Variants in IGDCC3 observed in about 807,000 individuals in gnomAD.
IGDCC3 encodes the protein putative neuronal cell adhesion molecule.
Under a neutral mutation model 72.0 loss-of-function variants are expected in IGDCC3, and 47 were observed. The observed-to-expected ratio is 0.65, with a 90% CI of 0.52 to 0.83. The LOEUF (loss-of-function observed/expected upper bound fraction) is 0.83. IGDCC3 is among the 40% of genes least tolerant of loss of function. The pLI is 0.00. For missense variants in IGDCC3, 1,038 were observed against 1,091.3 expected, an observed-to-expected ratio of 0.95 and a Z score of 0.69; for synonymous variants, 477 against 472.8, an observed-to-expected ratio of 1.01 and a Z score of -0.11.
At chr15:65,376,387 C>T (rs72625759) in intron 1 of IGDCC3, among the ~76,000 whole-genome samples, 6,198 of 152,360 alleles carry the variant, frequency 0.041, 593 homozygotes, top group East Asian at 0.4. Context: ...CAGCAAACAA[C>T]TTACCAGACC....
chr15:65,370,632 A>G (rs1414065041), intron 2 of IGDCC3, among the ~76,000 whole-genome samples: 12 of 144,756 alleles, frequency 8.3e-5, no homozygotes, highest in Non-Finnish European at 1.2e-4. Flanking sequence ...ATATATATAT[A>G]TATATATATA....
intron 2 of IGDCC3, among the ~76,000 whole-genome samples, chr15:65,370,695 G>A (rs1451625633): frequency 3.4e-5 from 5 of 147,672 alleles, no homozygotes; most frequent in African/African-American, 5.0e-5. Context: ...TTTGTGCCCT[G>A]TGCTAAGCTC....
At chr15:65,361,703 C>T (rs917448609) in intron 2 of IGDCC3, among the ~76,000 whole-genome samples, 1 of 44,736 alleles carries the variant, frequency 2.2e-5, no homozygotes, top group Non-Finnish European at 4.3e-5. Flanking sequence ...CACTCGCACA[C>T]TCATTCACAT....
chr15:65,331,888 C>A (rs2141032653), intron 7 of IGDCC3, 53 bp downstream of exon 7: 2 of 1,568,714 alleles, frequency 1.3e-6, no homozygotes, highest in East Asian at 4.5e-5. Context: ...ACTCCAGGCC[C>A]CGCTTTCCCT....
At position 65,339,048 on chromosome 15, in the gene IGDCC3, G is replaced by A. The variant is rs536697123; in HGVS notation, c.410-3092C>T. On this transcript the variant is annotated intron_variant, in intron 2 of 13. Coordinates refer to ENST00000327987, the MANE Select transcript of IGDCC3 (RefSeq NM_004884.4). This position sits in a 1 kb window ranked among gnomAD's most constrained non-coding sequence, Gnocchi z 4.1. ...CTCCTGAGGAGCTGGGACCACAAGC[G>A]CGCACCACCACGCCCAGCTAATTTT... is the stretch of plus-strand genomic sequence containing the variant. Among the ~76,000 whole-genome samples the A allele has an allele frequency of 7.2e-5, 11 of 151,946 alleles. No individual in the cohort carries two copies. The highest frequency in any genetic ancestry group is 2.1e-4 in the South Asian group (1 of 4,772).
chr15:65,335,874 C>G lies in IGDCC3; in HGVS notation c.492G>C (p.Gly164=), dbSNP rs777938460. ...GVARFQCQIH[G]LPKPLITWEK... is the part of the protein sequence containing the mutation. ...CCCAAGTGATCAGGGGTTTGGGAAG[C>G]CCATGGATTTGGCACTGGAAGCGGG... The change falls in exon 3 of 14, where the codon GGG becomes GGC. Residue 164 remains glycine, a synonymous_variant. Coordinates refer to ENST00000327987, the MANE Select transcript of IGDCC3 (RefSeq NM_004884.4). The G allele has an allele frequency of 1.2e-6, 2 of 1,614,190 alleles. No individual in the cohort carries two copies. The highest frequency in any genetic ancestry group is 2.2e-5 in the South Asian group (2 of 91,088).
intron 2 of IGDCC3, among the ~76,000 whole-genome samples, chr15:65,353,649 T>C (rs1402070795): frequency 6.6e-6 from 1 of 152,072 alleles, no homozygotes; most frequent in Non-Finnish European, 1.5e-5. Flanking sequence ...CAGGTTGCAG[T>C]AAAGGAGCCA....
chr15:65,334,352 C>A (rs910134507), intron 5 of IGDCC3, among the ~76,000 whole-genome samples: 1 of 152,006 alleles, frequency 6.6e-6, no homozygotes, highest in South Asian at 2.1e-4. Context: ...CTTGGGACTG[C>A]ACAGCTGAGG....
At chr15:65,376,626 C>T (rs1314324063) in intron 1 of IGDCC3, among the ~76,000 whole-genome samples, 1 of 151,766 alleles carries the variant, frequency 6.6e-6, no homozygotes, top group Non-Finnish European at 1.5e-5. Context: ...CCCCCGTCCC[C>T]GGCCCAGGAA....
At chr15:65,350,271 C>A (rs528830805) in intron 2 of IGDCC3, among the ~76,000 whole-genome samples, 2 of 151,904 alleles carry the variant, frequency 1.3e-5, no homozygotes, top group South Asian at 4.2e-4. Context: ...GCTGGGACTA[C>A]AGGCGCCTGC....
At chr15:65,340,217 G>A (rs956199631) in intron 2 of IGDCC3, among the ~76,000 whole-genome samples, 16 of 152,212 alleles carry the variant, frequency 1.1e-4, no homozygotes, top group African/African-American at 3.6e-4. Context: ...GGAGGGGAGG[G>A]GAACTCTCTT....
chr15:65,366,207 CAAAAAAAAA>C (rs35152855), intron 2 of IGDCC3, among the ~76,000 whole-genome samples: 7 of 76,774 alleles, frequency 9.1e-5, no homozygotes, highest in Non-Finnish European at 1.6e-4. Flanking sequence ...GACATTGTCT[CAAAAAAAAA>C]AAAAAAAAAA....
chr15:65,329,276 C>A lies in IGDCC3; in HGVS notation c.2205+114G>T. 1 of 1,475,434 alleles carries A rather than the reference C, an allele frequency of 6.8e-7. No individual in the cohort carries two copies. Among genetic ancestry groups the A allele is most frequent in the Middle Eastern group, 2.4e-4 (1 of 4,114 alleles). The allele number at this position is 1,475,434 out of a possible 1,614,324, so 91.4% of individuals were successfully genotyped here. On this transcript the variant is annotated intron_variant, in intron 13 of 13. Coordinates refer to ENST00000327987, the MANE Select transcript of IGDCC3 (RefSeq NM_004884.4). The surrounding 1 kb of genome is among the most constrained non-coding windows in gnomAD (Gnocchi z 4.1). ...CTCAGGGACACAAAGAGAAGACCTG[C>A]AGTTTGACTAAGGCCAATGATCGAG...
Position 65,377,029 on chromosome 15 carries a change from C to A in IGDCC3, c.103+657G>T, listed in dbSNP as rs1012583356. ...CGCGTGTGCACACTTCGGGGAAGGG[C>A]AGGGGCACGTGAGCATCCCCGCGGC... On this transcript the variant is annotated intron_variant, in intron 1 of 13. Transcript: ENST00000327987. The surrounding 1 kb of genome is among the most constrained non-coding windows in gnomAD (Gnocchi z 4.9). 6.6e-6 allele frequency among the ~76,000 whole-genome samples: 1 copy of A among 152,124 alleles called. No individual in the cohort carries two copies. Among genetic ancestry groups the A allele is most frequent in the Non-Finnish European group, 1.5e-5 (1 of 68,024 alleles).
chr15:65,374,267 GC>G (rs1372095076), intron 2 of IGDCC3: 1 of 152,196 alleles, frequency 6.6e-6, no homozygotes. Flanking sequence ...CAAAACTTCT[GC>G]CCTTTTTCAG....
At position 65,355,656 on chromosome 15, in the gene IGDCC3, T is replaced by TCACC; in HGVS notation, c.409+19440_409+19441insGGTG. Reference sequence around the variant, plus strand: ...CGGCTAATCCCCGCCGACGCGGGCGTCCCGCCCCCCCGCCCCTCCCGCATA... The same window carrying TCACC: ...CGGCTAATCCCCGCCGACGCGGGCGTCACCCCCGCCCCCCCGCCCCTCCCGCATA... On this transcript the variant is annotated intron_variant, in intron 2 of 13. Transcript: ENST00000327987. 8 of 211,730 alleles carry TCACC rather than the reference T, an allele frequency of 3.8e-5. 3 individuals carry two copies. The highest frequency in any genetic ancestry group is 1.3e-4 in the Admixed American group (2 of 15,882). 13.1% of individuals were successfully genotyped at this position (211,730 alleles called of 1,614,324 possible).
In IGDCC3 at chr15:65,329,857, G is replaced by A; in HGVS notation, c.1866C>T (p.Ser622=). The change falls in exon 12 of 14, where the codon AGC becomes AGT. Residue 622 remains serine, a synonymous_variant. Coordinates refer to ENST00000327987, the MANE Select transcript of IGDCC3 (RefSeq NM_004884.4). The surrounding 1 kb of genome is among the most constrained non-coding windows in gnomAD (Gnocchi z 4.1). Reference sequence around the variant, plus strand: ...CCTCCTTCCGGCAGTCACATGGTGGGCTCAAGGCTGGGGACAGGGACGGGT... The same window carrying A: ...CCTCCTTCCGGCAGTCACATGGTGGACTCAAGGCTGGGGACAGGGACGGGT... The part of the protein sequence containing the change: ...LRGASERTAL[S]PPCDCRKEEA... 1 of 1,613,962 alleles carries A rather than the reference G, an allele frequency of 6.2e-7. No homozygotes were observed. Among genetic ancestry groups the A allele is most frequent in the Non-Finnish European group, 8.5e-7 (1 of 1,180,030 alleles).
At chr15:65,362,117 C>T (rs1257591452) in intron 2 of IGDCC3, among the ~76,000 whole-genome samples, 1 of 151,352 alleles carries the variant, frequency 6.6e-6, no homozygotes, top group Admixed American at 6.6e-5. Flanking sequence ...ACAGAGGGAG[C>T]TGGGGGGCCT....
In IGDCC3 at chr15:65,333,303, A is replaced by G. The variant is rs770616467; in HGVS notation, c.936T>C (p.Pro312=). 5.0e-6 allele frequency: 8 copies of G among 1,612,876 alleles called. No individual in the cohort carries two copies. In the African/African-American group the frequency reaches 1.1e-4, roughly 22 times the overall value. ...SGVYVCAANR[P]GTRVRRTAQG... is the part of the protein sequence containing the mutation. ...GTGCCGTTCTCCTCACCCGGGTGCC[A>G]GGTCTGTTGGCTGCACAGACGTAGA... The change falls in exon 6 of 14, where the codon CCT becomes CCC. Residue 312 remains proline, a synonymous_variant. Coordinates refer to ENST00000327987, the MANE Select transcript of IGDCC3 (RefSeq NM_004884.4).
Sources: gnomAD v4.1 joint callset for allele counts (sites outside exome capture counted in the v4.1 genomes callset) on GRCh38, gnomAD v4.1.1 for gene constraint, Gnocchi (gnomAD v3.1) non-coding constraint, MANE v1.5 for transcripts, NCBI Gene and HGNC (gene_info 2026-07-23, HGNC 2026-07-21) for gene names.